RAPGEF2: variants seen among roughly 807,000 people sequenced by gnomAD.
The protein encoded by RAPGEF2 is PDZ domain containing guanine nucleotide exchange factor (GEF) 1.
In RAPGEF2, 54 loss-of-function variants were observed where a neutral mutation model predicts 186.7. The observed-to-expected ratio is 0.29, with a 90% CI of 0.23 to 0.36. The LOEUF (loss-of-function observed/expected upper bound fraction) is 0.36, where lower values mean the gene tolerates loss of function less well. Among genes scored for constraint, RAPGEF2 ranks in the 10% least tolerant of loss-of-function variants. The pLI, the probability that RAPGEF2 is intolerant of heterozygous loss-of-function variation, is 1.00. For synonymous variants in RAPGEF2, 712 were observed against 705.9 expected, an observed-to-expected ratio of 1.01 and a Z score of -0.14; for missense variants, 1,532 against 2,045.0, an observed-to-expected ratio of 0.75 and a Z score of 4.84.
At chr4:159,293,261 CTG>C (rs1761478734) in intron 7 of RAPGEF2, among the ~76,000 whole-genome samples, 1 of 152,188 alleles carries the variant, frequency 6.6e-6, no homozygotes, top group African/African-American at 2.4e-5. Flanking sequence ...TGTCTAGTCA[CTG>C]TTTATCACAT....
intron 19 of RAPGEF2, among the ~76,000 whole-genome samples, chr4:159,341,145 G>GATAAGAAA (rs145563090): frequency 6.6e-6 from 1 of 152,124 alleles, no homozygotes; most frequent in Non-Finnish European, 1.5e-5. Context: ...ACAGATTATT[G>GATAAGAAA]ATAAGAAAAT....
At chr4:159,300,093 T>G (rs1762469620) in intron 7 of RAPGEF2, among the ~76,000 whole-genome samples, 2 of 151,510 alleles carry the variant, frequency 1.3e-5, no homozygotes, top group Non-Finnish European at 2.9e-5. Context: ...ATTAATATTA[T>G]AAAGTATTAA....
chr4:159,252,847 T>C (rs2111520046), intron 7 of RAPGEF2, among the ~76,000 whole-genome samples: 1 of 152,356 alleles, frequency 6.6e-6, no homozygotes, highest in South Asian at 2.1e-4. Context: ...CTTTTGTTTA[T>C]TATTTACCAT....
At chr4:159,262,802 A>G (rs1757022509) in intron 7 of RAPGEF2, among the ~76,000 whole-genome samples, 1 of 151,316 alleles carries the variant, frequency 6.6e-6, no homozygotes, top group South Asian at 2.1e-4. Context: ...ATCAGATGCC[A>G]CATAAACAGT....
intron 1 of RAPGEF2, among the ~76,000 whole-genome samples, chr4:159,107,493 A>C (rs970153008): frequency 6.6e-6 from 1 of 152,122 alleles, no homozygotes; most frequent in Non-Finnish European, 1.5e-5. Context: ...TCTATTGCAA[A>C]ACTGTTTCTT....
At chr4:159,147,758 T>A (rs368222694) in intron 1 of RAPGEF2, among the ~76,000 whole-genome samples, 1 of 152,218 alleles carries the variant, frequency 6.6e-6, no homozygotes, top group Non-Finnish European at 1.5e-5. Context: ...AAGATTCCAA[T>A]TGTTGCTTTC....
Position 159,104,252 on chromosome 4 carries a change from T to C in RAPGEF2, c.69+21T>C, listed in dbSNP as rs900217011. 14 of 1,120,240 alleles carry C rather than the reference T, an allele frequency of 1.2e-5. 1 individual carries two copies. The African/African-American group carries it at 2.6e-4, about 21-fold the overall frequency. 69.4% of individuals were successfully genotyped at this position (1,120,240 alleles called of 1,614,324 possible). A position where few individuals can be genotyped will look rare whatever the true frequency, so the allele number is the denominator to read the frequency against. On this transcript the variant is annotated intron_variant, in intron 1 of 29. Transcript: ENST00000691494. The stretch of plus-strand genomic sequence containing the variant: ...CCCAGGTGAGAACGCGGCGGCCGCC[T>C]GCCCTTGGCCGGATTTCTGCCTCGC...
In RAPGEF2 at chr4:159,185,211, A is replaced by G. The variant is rs188689358; in HGVS notation, c.70-1431A>G. ...AGAGAGCTTGGAATCCTCATACATT[A>G]CCTGTGGGATTATAAAATGGTTGCA... is the stretch of plus-strand genomic sequence containing the variant. On this transcript the variant is annotated intron_variant, in intron 1 of 29. Coordinates refer to ENST00000691494, the MANE Select transcript of RAPGEF2 (RefSeq NM_001394067.2). 2.2e-3 allele frequency among the ~76,000 whole-genome samples: 331 copies of G among 152,284 alleles called. 2 individuals carry two copies. The highest frequency in any genetic ancestry group is 7.4e-3 in the African/African-American group (307 of 41,566).
At chr4:159,198,336 T>TTCTC (rs1561075425) in intron 3 of RAPGEF2, among the ~76,000 whole-genome samples, 1 of 41,212 alleles carries the variant, frequency 2.4e-5, no homozygotes, top group Non-Finnish European at 4.5e-5. Flanking sequence ...CTTTCTTTCT[T>TTCTC]TTTCTTTCTC....
At chr4:159,342,576 A>G (rs1729669290) in intron 20 of RAPGEF2, among the ~76,000 whole-genome samples, 1 of 140,614 alleles carries the variant, frequency 7.1e-6, no homozygotes, top group African/African-American at 2.7e-5. Context: ...ATTTTATTTT[A>G]TTTTATTTTA....
intron 11 of RAPGEF2, 103 bp downstream of exon 11, chr4:159,323,720 ATTT>A (rs33969988): frequency 5.2e-4 from 250 of 484,016 alleles, no homozygotes; most frequent in Middle Eastern, 2.1e-3. Context: ...CTTACAAATA[ATTT>A]TTTTTTTTTT....
At chr4:159,252,941 A>G (rs1220591378) in intron 7 of RAPGEF2, among the ~76,000 whole-genome samples, 1 of 152,238 alleles carries the variant, frequency 6.6e-6, no homozygotes, top group African/African-American at 2.4e-5. Flanking sequence ...CATTAACATG[A>G]GGGTTTTTAA....
intron 4 of RAPGEF2, among the ~76,000 whole-genome samples, chr4:159,235,130 A>G (rs1753098085): frequency 6.6e-6 from 1 of 152,190 alleles, no homozygotes; most frequent in Non-Finnish European, 1.5e-5. Context: ...ATTTTTTGTG[A>G]GAAACTTTTC....
chr4:159,121,496 G>T (rs908528728), intron 1 of RAPGEF2, among the ~76,000 whole-genome samples: 5 of 151,988 alleles, frequency 3.3e-5, no homozygotes, highest in Admixed American at 3.3e-4. Context: ...CCTCTGAATA[G>T]CTGGTACTAC....
intron 1 of RAPGEF2, among the ~76,000 whole-genome samples, chr4:159,179,509 A>G (rs1746798037): frequency 1.3e-5 from 2 of 152,220 alleles, no homozygotes; most frequent in African/African-American, 2.4e-5. Flanking sequence ...GTGATGCTAC[A>G]TATTTAGTTT....
At position 159,343,003 on chromosome 4, in the gene RAPGEF2, A is replaced by G; in HGVS notation, c.2943A>G (p.Ala981=). The change falls in exon 21 of 30, where the codon GCA becomes GCG. Residue 981 remains alanine, a synonymous_variant. Coordinates refer to ENST00000691494, the MANE Select transcript of RAPGEF2 (RefSeq NM_001394067.2). ...GTGGCCTAAACCTGGCACCAGTGGC[A>G]AGACTGCGAACGACCTGGGAGAAAC... ...IISGLNLAPV[A]RLRTTWEKLP... 2.5e-6 allele frequency: 4 copies of G among 1,614,060 alleles called. No individual in the cohort carries two copies. Among genetic ancestry groups the G allele is most frequent in the Non-Finnish European group, 3.4e-6 (4 of 1,179,936 alleles).
intron 1 of RAPGEF2, among the ~76,000 whole-genome samples, chr4:159,108,390 T>TC (rs1352109167): frequency 1.3e-4 from 19 of 150,440 alleles, no homozygotes; most frequent in African/African-American, 4.1e-4. Context: ...TTTCTTTTTT[T>TC]TTTTTTTTTT....
At chr4:159,285,071 T>TGTGTTGACTG (rs1169098370) in intron 7 of RAPGEF2, among the ~76,000 whole-genome samples, 4 of 152,186 alleles carry the variant, frequency 2.6e-5, no homozygotes, top group Non-Finnish European at 4.4e-5. Context: ...ATACTCTTCT[T>TGTGTTGACTG]GTGTTGACTG....
intron 4 of RAPGEF2, among the ~76,000 whole-genome samples, chr4:159,211,807 T>C (rs528458116): frequency 1.3e-5 from 2 of 152,296 alleles, no homozygotes; most frequent in African/African-American, 4.8e-5. Flanking sequence ...AAACATAGTC[T>C]CTTTGGAAAA....
Sources: gnomAD v4.1 joint callset for allele counts (sites outside exome capture counted in the v4.1 genomes callset) on GRCh38, gnomAD v4.1.1 for gene constraint, MANE v1.5 for transcripts, NCBI Gene and HGNC (gene_info 2026-07-23, HGNC 2026-07-21) for gene names.